LRP1B: variants seen among roughly 807,000 people sequenced by gnomAD.
The protein encoded by LRP1B is LDL receptor related protein 1B, also known as low-density lipoprotein receptor-related protein 1B.
A neutral mutation model predicts 556.6 loss-of-function variants in LRP1B; 217 were observed. The observed-to-expected ratio is 0.39, with a 90% CI of 0.35 to 0.44. LRP1B has a LOEUF of 0.44. Ranked by LOEUF, LRP1B falls within the 20% of genes least tolerant of loss-of-function variation. The probability of loss-of-function intolerance (pLI) is 1.00; values close to 1 mark genes in which losing one functional copy is unlikely to be tolerated. For synonymous variants in LRP1B, 2,047 were observed against 1,865.8 expected (o/e 1.10, Z -2.50); for missense variants, 5,053 against 5,620.8 (o/e 0.90, Z 3.23).
intron 41 of LRP1B, among the ~76,000 whole-genome samples, chr2:140,604,913 T>C (rs1682812563): frequency 2.0e-5 from 3 of 152,142 alleles, no homozygotes; most frequent in African/African-American, 7.2e-5. Context: ...CCATGTAAGA[T>C]GTGCCTTTGC....
intron 1 of LRP1B, among the ~76,000 whole-genome samples, chr2:142,057,402 C>T (rs112133163): frequency 3.2e-4 from 48 of 152,212 alleles, no homozygotes; most frequent in Middle Eastern, 3.4e-3. Flanking sequence ...TGCAAACTCT[C>T]TTATGTGCAA....
chr2:141,331,722 C>T (rs1687665160), intron 3 of LRP1B, among the ~76,000 whole-genome samples: 1 of 151,992 alleles, frequency 6.6e-6, no homozygotes, highest in East Asian at 1.9e-4. Context: ...TTGTACTGTA[C>T]TGTAATGTCT....
intron 3 of LRP1B, among the ~76,000 whole-genome samples, chr2:141,413,962 G>C (rs1156506149): frequency 6.6e-6 from 1 of 152,132 alleles, no homozygotes; most frequent in African/African-American, 2.4e-5. Flanking sequence ...TGGGCGCAGT[G>C]GCTCACGCCT....
chr2:140,793,837 GA>G (rs747579275), intron 32 of LRP1B, among the ~76,000 whole-genome samples: 4 of 148,874 alleles, frequency 2.7e-5, no homozygotes, highest in African/African-American at 4.9e-5. Context: ...ATCAGAAAAT[GA>G]AAAAAAAATG....
chr2:141,868,526 A>G (rs1047247373), intron 1 of LRP1B, among the ~76,000 whole-genome samples: 9 of 152,138 alleles, frequency 5.9e-5, no homozygotes, highest in African/African-American at 2.2e-4. Context: ...ACAGAAACTT[A>G]ATGATTTATT....
At chr2:140,733,500 C>G (rs774490633) in intron 35 of LRP1B, among the ~76,000 whole-genome samples, 16 of 152,102 alleles carry the variant, frequency 1.1e-4, no homozygotes, top group Non-Finnish European at 2.1e-4. Context: ...GTTAAACAAA[C>G]TGGTGTACTC....
In LRP1B at chr2:141,712,359, A is replaced by G. The variant is rs112687312; in HGVS notation, c.205+97920T>C. Among the ~76,000 whole-genome samples, 228 of 151,372 alleles carry G rather than the reference A, an allele frequency of 1.5e-3. 1 individual carries two copies. The highest frequency in any genetic ancestry group is 5.3e-3 in the African/African-American group (216 of 40,858). ...CGTCAACTGTACTCCAGCCTGGGTG[A>G]CAGAACTGAGACCCTGTCTAAAAAA... On this transcript the variant is annotated intron_variant, in intron 2 of 90. Transcript: ENST00000389484.
chr2:141,999,174 TA>T (rs1702587166), intron 1 of LRP1B, among the ~76,000 whole-genome samples: 1 of 152,138 alleles, frequency 6.6e-6, no homozygotes, highest in Non-Finnish European at 1.5e-5. Flanking sequence ...ATCTCCGTTT[TA>T]ATCTAAATTC....
At chr2:140,522,500 T>C (rs1204228163) in intron 49 of LRP1B, among the ~76,000 whole-genome samples, 1 of 151,376 alleles carries the variant, frequency 6.6e-6, no homozygotes, top group Non-Finnish European at 1.5e-5. Flanking sequence ...ACAATCTGAC[T>C]GCACCTAAAC....
At chr2:141,593,432 G>T in intron 2 of LRP1B, among the ~76,000 whole-genome samples, 1 of 13,630 alleles carries the variant, frequency 7.3e-5, no homozygotes, top group Non-Finnish European at 0.019. Flanking sequence ...TTTTTCTTAA[G>T]AAGGGGCCGG....
chr2:141,288,266 C>T (rs572655565), intron 3 of LRP1B, among the ~76,000 whole-genome samples: 272 of 150,688 alleles, frequency 1.8e-3, no homozygotes, highest in African/African-American at 6.2e-3. Flanking sequence ...TTCAACTGTC[C>T]TTTGTATTTT....
At chr2:140,933,732 AATAAAG>A (rs1217841940) in intron 20 of LRP1B, among the ~76,000 whole-genome samples, 1 of 152,140 alleles carries the variant, frequency 6.6e-6, no homozygotes, top group Non-Finnish European at 1.5e-5. Flanking sequence ...GCATAGTAAA[AATAAAG>A]ATAATTGGCT....
chr2:141,729,351 T>C (rs770888588), intron 2 of LRP1B, among the ~76,000 whole-genome samples: 1 of 152,194 alleles, frequency 6.6e-6, no homozygotes, highest in Non-Finnish European at 1.5e-5. Context: ...AAAAATGTTT[T>C]AGTAATTATC....
chr2:142,126,540 T>G (rs949793678), intron 1 of LRP1B, among the ~76,000 whole-genome samples: 22 of 152,002 alleles, frequency 1.4e-4, no homozygotes, highest in African/African-American at 5.3e-4. Flanking sequence ...ATGTTTAACT[T>G]TTAGGATTAA....
chr2:140,380,720 T>G (rs1210308246), intron 67 of LRP1B, among the ~76,000 whole-genome samples: 1 of 152,172 alleles, frequency 6.6e-6, no homozygotes, highest in African/African-American at 2.4e-5. Context: ...AAAGTAAGTG[T>G]GCTCATGATG....
chr2:141,759,909 T>A (rs1010497875), intron 2 of LRP1B, among the ~76,000 whole-genome samples: 6 of 152,108 alleles, frequency 3.9e-5, no homozygotes, highest in African/African-American at 1.4e-4. Context: ...GGCGGGTAGA[T>A]CACCTGAGGT....
chr2:140,275,103 G>C (rs1197313912), intron 84 of LRP1B, among the ~76,000 whole-genome samples: 1 of 151,912 alleles, frequency 6.6e-6, no homozygotes, highest in Non-Finnish European at 1.5e-5. Context: ...CATTAATGCA[G>C]AACATTGTCA....
chr2:141,729,973 G>A (rs1297329280), intron 2 of LRP1B, among the ~76,000 whole-genome samples: 2 of 152,104 alleles, frequency 1.3e-5, no homozygotes, highest in Admixed American at 1.3e-4. Flanking sequence ...TTGAGAGTGT[G>A]CATTAAATCA....
intron 2 of LRP1B, among the ~76,000 whole-genome samples, chr2:141,520,938 C>A (rs905672506): frequency 2.6e-5 from 4 of 151,844 alleles, no homozygotes; most frequent in Non-Finnish European, 4.4e-5. Flanking sequence ...GGTGACTTTT[C>A]TCCTTACTTT....
Sources: allele counts gnomAD v4.1 joint callset (sites outside exome capture counted in the v4.1 genomes callset), GRCh38; gene constraint gnomAD v4.1.1; transcripts MANE v1.5; gene names NCBI Gene and HGNC (gene_info 2026-07-23, HGNC 2026-07-21).